SCN11A: variants seen among roughly 807,000 people sequenced by gnomAD.
SCN11A encodes the protein sodium voltage-gated channel alpha subunit 11.
Under a neutral mutation model 162.2 loss-of-function variants are expected in SCN11A, and 122 were observed. The ratio of observed to expected loss-of-function variants is 0.75; its 90% CI spans 0.65 to 0.87. SCN11A has a LOEUF of 0.87. SCN11A is among the 40% of genes least tolerant of loss of function. The pLI, the probability that SCN11A is intolerant of heterozygous loss-of-function variation, is 0.00. For missense variants in SCN11A, 2,015 were observed against 2,181.6 expected (o/e 0.92, Z 1.52); for synonymous variants, 758 against 751.5 (o/e 1.01, Z -0.14).
chr3:38,943,802 GA>G (rs2066475606), intron 7 of SCN11A, among the ~76,000 whole-genome samples: 1 of 152,188 alleles, frequency 6.6e-6, no homozygotes, highest in Non-Finnish European at 1.5e-5. Flanking sequence ...GTGGTTACCA[GA>G]GATGGGGAAA....
chr3:38,936,546 C>T (rs1012304082), intron 7 of SCN11A, among the ~76,000 whole-genome samples: 1 of 151,158 alleles, frequency 6.6e-6, no homozygotes, highest in Non-Finnish European at 1.5e-5. Flanking sequence ...AATCAATGTA[C>T]AAAAATCACA....
intron 2 of SCN11A, among the ~76,000 whole-genome samples, chr3:38,985,378 T>C (rs1178680583): frequency 5.3e-5 from 8 of 150,144 alleles, no homozygotes; most frequent in Non-Finnish European, 2.9e-5. Context: ...GATCCACCCA[T>C]CTCGGCCTCC....
In SCN11A at chr3:38,926,844, T is replaced by G; in HGVS notation, c.576A>C (p.Arg192=). 6.2e-7 allele frequency: 1 copy of G among 1,613,760 alleles called. No individual in the cohort carries two copies. Among genetic ancestry groups the G allele is most frequent in the Non-Finnish European group, 8.5e-7 (1 of 1,179,654 alleles). The change falls in exon 8 of 30, where the codon CGA becomes CGC. Residue 192 remains arginine (R), a synonymous_variant. Coordinates refer to ENST00000302328, the MANE Select transcript of SCN11A (RefSeq NM_001349253.2). ...TGGAGTCCAGCCAGTTCCATGGATC[T>G]CGAAGGAAAGAAAACTCATCCAGAA... is the stretch of plus-strand genomic sequence containing the variant. ...GFILDEFSFL[R]DPWNWLDSIV...
At position 38,878,216 on chromosome 3, in the gene SCN11A, C is replaced by T. The variant is rs548439095; in HGVS notation, c.3393+1734G>A. 3.4e-5 allele frequency among the ~76,000 whole-genome samples: 5 copies of T among 148,754 alleles called. No homozygotes were observed. In the South Asian group the frequency reaches 8.6e-4, roughly 26 times the overall value. ...TAAACCCACCCATCTCAGCCTGGTA[C>T]CCTTTTTTGACAGTGTGGCTTTGGA... is the stretch of plus-strand genomic sequence containing the variant. On this transcript the variant is annotated intron_variant, in intron 23 of 29. Transcript: ENST00000302328.
intron 27 of SCN11A, among the ~76,000 whole-genome samples, chr3:38,864,405 A>T (rs1272577684): frequency 6.6e-6 from 1 of 152,154 alleles, no homozygotes; most frequent in East Asian, 1.9e-4. Flanking sequence ...TATTAATACC[A>T]CTATTCTGAG....
At chr3:38,854,140 T>C (rs1055425907) in intron 28 of SCN11A, among the ~76,000 whole-genome samples, 2 of 152,194 alleles carry the variant, frequency 1.3e-5, no homozygotes, top group African/African-American at 4.8e-5. Context: ...ATATGATAAT[T>C]ATATAAAATC....
rs1278719315 is a variant in SCN11A, at chr3:38,909,027, T to TGTTAAGAGAG, written c.1268_1269insCTCTCTTAAC (p.Glu423AspfsTer22). 1 of 1,613,800 alleles carries TGTTAAGAGAG rather than the reference T, an allele frequency of 6.2e-7. No homozygotes were observed. The highest frequency in any genetic ancestry group is 1.1e-5 in the South Asian group (1 of 91,062). ...TTTCCTCCTTTAACAGCTGCTGGGC[T>TGTTAAGAGAG]TCCTGAAACATCTTTTCCTTGGCCT... On this transcript the variant is annotated frameshift_variant, in exon 13 of 30. Coordinates refer to ENST00000302328, the MANE Select transcript of SCN11A (RefSeq NM_001349253.2). LOFTEE classifies it high-confidence loss of function.
chr3:38,862,924 A>G (rs1425033132), intron 28 of SCN11A, among the ~76,000 whole-genome samples: 1 of 152,144 alleles, frequency 6.6e-6, no homozygotes, highest in Non-Finnish European at 1.5e-5. Context: ...AATTAAGTTC[A>G]AACAAACCAC....
At position 38,940,057 on chromosome 3, in the gene SCN11A, C is replaced by CAT. The variant is rs35355665; in HGVS notation, c.488+5352_488+5353dup. On this transcript the variant is annotated intron_variant, in intron 7 of 29. Transcript: ENST00000302328. ...GATATGTATAATACTGATGTACATA[C>CAT]ATATATATATATATATATAGTTTTA... Among the ~76,000 whole-genome samples, 1,445 of 146,466 alleles carry CAT rather than the reference C, an allele frequency of 9.9e-3. 13 individuals are homozygous for CAT. Among genetic ancestry groups the CAT allele is most frequent in the African/African-American group, 0.023 (907 of 40,260 alleles).
chr3:39,040,434 G>C (rs953066218), intron 1 of SCN11A, among the ~76,000 whole-genome samples: 6 of 152,186 alleles, frequency 3.9e-5, no homozygotes, highest in Admixed American at 3.9e-4. Context: ...TATTTTACCA[G>C]ATGCACAGAA....
intron 28 of SCN11A, among the ~76,000 whole-genome samples, chr3:38,859,453 C>T (rs1255975064): frequency 6.6e-6 from 1 of 151,814 alleles, no homozygotes; most frequent in African/African-American, 2.4e-5. Context: ...TACAACCATC[C>T]TAGATTAAAT....
intron 5 of SCN11A, 27 bp downstream of exon 5, chr3:38,950,069 A>AACCCCCC: frequency 3.1e-5 from 2 of 65,030 alleles, no homozygotes; most frequent in Admixed American, 1.9e-4. Context: ...CCCCACCCCC[A>AACCCCCC]CCCCCCCCCC....
chr3:38,920,254 T>A (rs1453648151), intron 10 of SCN11A, among the ~76,000 whole-genome samples: 1 of 152,116 alleles, frequency 6.6e-6, no homozygotes, highest in African/African-American at 2.4e-5. Flanking sequence ...CTCTCTTAAA[T>A]AATACTGAAC....
chr3:38,935,096 G>A (rs369953727), intron 7 of SCN11A, among the ~76,000 whole-genome samples: 7 of 152,142 alleles, frequency 4.6e-5, no homozygotes, highest in Non-Finnish European at 5.9e-5. Flanking sequence ...GCTCAACTAC[G>A]TGGAAACTGA....
At chr3:38,906,038 G>A (rs759026789) in intron 14 of SCN11A, among the ~76,000 whole-genome samples, 3 of 152,180 alleles carry the variant, frequency 2.0e-5, no homozygotes, top group Non-Finnish European at 4.4e-5. Context: ...TTTGTGATAA[G>A]CCAATCTAGA....
At position 38,950,199 on chromosome 3, in the gene SCN11A, T is replaced by G; in HGVS notation, c.164A>C (p.Asp55Ala). 1 of 1,613,862 alleles carries G rather than the reference T, an allele frequency of 6.2e-7. No individual in the cohort carries two copies. Among genetic ancestry groups the G allele is most frequent in the Non-Finnish European group, 8.5e-7 (1 of 1,179,976 alleles). ...GGGCAACTTCCTGGAGGCCTTTAGG[T>G]CAAGCTGAGGCCGAGGCTGGGGTAC... ...GEVPQPRPQL[D>A]LKASRKLPKL... The change falls in exon 5 of 30, where the codon GAC (aspartate) becomes GCC (alanine). Residue 55 changes from aspartate (D) to alanine (A), a missense_variant. Transcript: ENST00000302328.
chr3:39,000,753 T>C (rs561154809), intron 2 of SCN11A, among the ~76,000 whole-genome samples: 65 of 152,316 alleles, frequency 4.3e-4, no homozygotes, highest in African/African-American at 1.5e-3. Flanking sequence ...AATACCGTGA[T>C]TGGCTGGGTG....
chr3:39,025,344 G>A (rs974995558), intron 2 of SCN11A, among the ~76,000 whole-genome samples: 2 of 152,134 alleles, frequency 1.3e-5, no homozygotes, highest in Non-Finnish European at 2.9e-5. Context: ...AGCCCATAGA[G>A]GGAAGTGAAA....
intron 2 of SCN11A, among the ~76,000 whole-genome samples, chr3:39,023,040 A>T (rs1276833523): frequency 6.6e-6 from 1 of 152,218 alleles, no homozygotes; most frequent in East Asian, 1.9e-4. Flanking sequence ...TTTAATTTTT[A>T]AAAAGTGATA....
Sources: gnomAD v4.1 joint callset for allele counts (sites outside exome capture counted in the v4.1 genomes callset) on GRCh38, gnomAD v4.1.1 for gene constraint, MANE v1.5 for transcripts, NCBI Gene and HGNC (gene_info 2026-07-23, HGNC 2026-07-21) for gene names.